ANTXR1: variants seen among roughly 807,000 people sequenced by gnomAD.
The protein encoded by ANTXR1 is ANTXR cell adhesion molecule 1.
Under a neutral mutation model 78.1 loss-of-function variants are expected in ANTXR1, and 19 were observed. That is an observed-to-expected ratio of 0.24 (90% confidence interval 0.17 to 0.36). ANTXR1 has a LOEUF of 0.36. ANTXR1 is among the 10% of genes least tolerant of loss of function. The pLI is 1.00. For synonymous variants in ANTXR1, 273 were observed against 260.5 expected, an observed-to-expected ratio of 1.05 and a Z score of -0.46; for missense variants, 518 against 718.6, an observed-to-expected ratio of 0.72 and a Z score of 3.19.
chr2:69,170,176 C>T lies in ANTXR1; in HGVS notation c.1048-72C>T, dbSNP rs545676491. 10 of 1,566,640 alleles carry T rather than the reference C, an allele frequency of 6.4e-6. No homozygotes were observed. The East Asian group carries it at 2.0e-4, about 32-fold the overall frequency. ...TTATGGCAGCACCACCACGGTACCT[C>T]CTGACAGCAAGCCTCTTAGGAGGCA... On this transcript the variant is annotated intron_variant, in intron 13 of 17. Transcript: ENST00000303714.
At chr2:69,062,131 T>C (rs111480752) in intron 3 of ANTXR1, among the ~76,000 whole-genome samples, 6,019 of 152,238 alleles carry the variant, frequency 0.04, 141 homozygotes, top group Middle Eastern at 0.13. Flanking sequence ...GGGTCTGCCA[T>C]AGACAGACAC....
intron 3 of ANTXR1, among the ~76,000 whole-genome samples, chr2:69,046,390 A>G (rs145434184): frequency 7.2e-5 from 11 of 152,268 alleles, no homozygotes; most frequent in African/African-American, 2.4e-4. Context: ...GCTTGTTGGA[A>G]TTAGTCATCC....
chr2:69,039,782 G>C (rs935817972), intron 1 of ANTXR1, among the ~76,000 whole-genome samples: 4 of 151,970 alleles, frequency 2.6e-5, no homozygotes, highest in African/African-American at 9.7e-5. Context: ...TGTTGTTGCT[G>C]TTGTTGTTTT....
chr2:69,228,795 G>T (rs906606453), intron 17 of ANTXR1, among the ~76,000 whole-genome samples: 2 of 152,212 alleles, frequency 1.3e-5, no homozygotes, highest in Admixed American at 6.5e-5. Context: ...GTGCATGTGT[G>T]AAGTGCTGAG....
At chr2:69,093,185 A>AAATG (rs1198475329) in intron 9 of ANTXR1, among the ~76,000 whole-genome samples, 3 of 152,238 alleles carry the variant, frequency 2.0e-5, no homozygotes, top group Non-Finnish European at 4.4e-5. Context: ...GGTGGCCAAT[A>AAATG]AATGTTGACT....
At position 69,095,718 on chromosome 2, in the gene ANTXR1, C is replaced by G. The variant is rs748619931; in HGVS notation, c.703+4799C>G. ...TGGAGTGGATGGTCTGAGCTCTCCC[C>G]CCATAGAATCATGTGAGCAGTGGCA... On this transcript the variant is annotated intron_variant, in intron 9 of 17. Transcript: ENST00000303714. Among the ~76,000 whole-genome samples the G allele has an allele frequency of 1.0e-3, 159 of 152,296 alleles. 1 individual carries two copies. Among genetic ancestry groups the G allele is most frequent in the Non-Finnish European group, 1.2e-3 (84 of 68,018 alleles).
intron 17 of ANTXR1, among the ~76,000 whole-genome samples, chr2:69,200,274 G>A (rs547818992): frequency 4.3e-4 from 66 of 152,262 alleles, no homozygotes; most frequent in Non-Finnish European, 8.4e-4. Flanking sequence ...GAGACCCAGG[G>A]AAACACACAC....
intron 17 of ANTXR1, among the ~76,000 whole-genome samples, chr2:69,222,735 GC>G: frequency 6.6e-6 from 1 of 152,318 alleles, no homozygotes; most frequent in South Asian, 2.1e-4. Context: ...CCCAGCCCCA[GC>G]CCTTGCATAT....
intron 8 of ANTXR1, among the ~76,000 whole-genome samples, chr2:69,079,528 T>C (rs1398655304): frequency 6.6e-6 from 1 of 151,978 alleles, no homozygotes; most frequent in African/African-American, 2.4e-5. Flanking sequence ...ATAATAATAA[T>C]ACCTATCTAT....
chr2:69,091,378 T>C (rs1055539966), intron 9 of ANTXR1, among the ~76,000 whole-genome samples: 3 of 140,908 alleles, frequency 2.1e-5, no homozygotes, highest in Non-Finnish European at 4.5e-5. Context: ...GAGGCAGAGG[T>C]TGGGTTGCAG....
Position 69,172,469 on chromosome 2 carries a change from CAT to C in ANTXR1, c.1089+2182_1089+2183del, listed in dbSNP as rs1674016588. 5.8e-6 allele frequency: 9 copies of C among 1,546,284 alleles called. 1 individual carries two copies. The highest frequency in any genetic ancestry group is 2.1e-4 in the Middle Eastern group (1 of 4,742). On this transcript the variant is annotated intron_variant, in intron 14 of 17. Coordinates refer to ENST00000303714, the MANE Select transcript of ANTXR1 (RefSeq NM_032208.3). ...GTATTTTATACAATGCTCTGAAAAT[CAT>C]AGTCTCAATCTAGACAGTCTTTTCC...
In ANTXR1 at chr2:69,109,968, G is replaced by A. The variant is rs868135360; in HGVS notation, c.802+7028G>A. Among the ~76,000 whole-genome samples, 7 of 151,936 alleles carry A rather than the reference G, an allele frequency of 4.6e-5. No homozygotes were observed. In the Middle Eastern group the frequency reaches 0.021, roughly 446 times the overall value. On this transcript the variant is annotated intron_variant, in intron 10 of 17. Transcript: ENST00000303714. The stretch of plus-strand genomic sequence containing the variant: ...AGTATAAAGACAATTCCTAAAATCG[G>A]TTAAAAAAAGGTGAATATATCAGTG...
At chr2:69,194,555 C>T (rs543517389) in intron 17 of ANTXR1, among the ~76,000 whole-genome samples, 4 of 152,248 alleles carry the variant, frequency 2.6e-5, no homozygotes, top group East Asian at 3.9e-4. Flanking sequence ...GTTGAACACA[C>T]GGAAATGCTC....
chr2:69,084,591 GTTTTTT>G (rs10708895), intron 8 of ANTXR1, among the ~76,000 whole-genome samples: 8 of 109,136 alleles, frequency 7.3e-5, no homozygotes, highest in Non-Finnish European at 1.4e-4. Context: ...TATTTGTAAA[GTTTTTT>G]TTTTTTTTTT....
intron 14 of ANTXR1, among the ~76,000 whole-genome samples, chr2:69,176,537 A>G (rs1252355564): frequency 2.0e-5 from 3 of 152,152 alleles, no homozygotes; most frequent in African/African-American, 7.2e-5. Context: ...CTGTAGCCTT[A>G]GTCCTTTAAT....
intron 8 of ANTXR1, among the ~76,000 whole-genome samples, chr2:69,078,283 CT>C (rs1670799130): frequency 6.6e-6 from 1 of 152,262 alleles, no homozygotes; most frequent in South Asian, 2.1e-4. Context: ...TGTTCAGATG[CT>C]CTGCAGCCTC....
chr2:69,101,045 G>A (rs139869808), intron 9 of ANTXR1, among the ~76,000 whole-genome samples: 221 of 152,290 alleles, frequency 1.5e-3, no homozygotes, highest in African/African-American at 4.9e-3. Context: ...CTCTGAGCAA[G>A]TCATTCAAAA....
intron 13 of ANTXR1, 74 bp from the exon 14 acceptor site, chr2:69,170,174 C>T: frequency 2.6e-6 from 4 of 1,555,336 alleles, no homozygotes; most frequent in African/African-American, 1.4e-5. Flanking sequence ...ACCACGGTAC[C>T]TCCTGACAGC....
At chr2:69,104,801 T>C (rs889691035) in intron 10 of ANTXR1, among the ~76,000 whole-genome samples, 15 of 152,086 alleles carry the variant, frequency 9.9e-5, no homozygotes, top group African/African-American at 3.4e-4. Flanking sequence ...AAATAAGATG[T>C]GGCCAGGCAC....
Sources: gnomAD v4.1 joint callset for allele counts (sites outside exome capture counted in the v4.1 genomes callset) on GRCh38, gnomAD v4.1.1 for gene constraint, MANE v1.5 for transcripts, NCBI Gene and HGNC (gene_info 2026-07-23, HGNC 2026-07-21) for gene names.